NCOR1: variants seen among roughly 807,000 people sequenced by gnomAD.
NCOR1 encodes protein phosphatase 1, regulatory subunit 109.
Under a neutral mutation model 288.1 loss-of-function variants are expected in NCOR1, and 63 were observed. The observed-to-expected ratio is 0.22, with a 90% CI of 0.18 to 0.27. The LOEUF (loss-of-function observed/expected upper bound fraction) is 0.27, where lower values mean the gene tolerates loss of function less well. Among genes scored for constraint, NCOR1 ranks in the 10% least tolerant of loss-of-function variants. The pLI, the probability that NCOR1 is intolerant of heterozygous loss-of-function variation, is 1.00. For synonymous variants in NCOR1, 1,007 were observed against 1,065.9 expected (o/e 0.94, Z 1.08); for missense variants, 2,397 against 3,019.2 (o/e 0.79, Z 4.83).
rs111761031 is a variant in NCOR1, at chr17:16,178,655, C to G, written c.243-6660G>C. ...CTTGTAATTCTTTCCGTGAATCCCA[C>G]TTTTCTAAGTTTTTGACAATAGCTG... On this transcript the variant is annotated intron_variant, in intron 3 of 45. Transcript: ENST00000268712. Among the ~76,000 whole-genome samples the G allele has an allele frequency of 6.4e-3, 979 of 152,162 alleles. 14 individuals are homozygous for G. Among genetic ancestry groups the G allele is most frequent in the African/African-American group, 0.023 (945 of 41,510 alleles).
At chr17:16,204,946 C>T (rs1220747527) in intron 1 of NCOR1, among the ~76,000 whole-genome samples, 14 of 152,200 alleles carry the variant, frequency 9.2e-5, no homozygotes, top group Admixed American at 9.2e-4. Flanking sequence ...TGAGGCCAGG[C>T]GCGTTGGCTC....
At position 16,194,470 on chromosome 17, in the gene NCOR1, G is replaced by T; in HGVS notation, c.100C>A (p.His34Asn). The change falls in exon 2 of 46, where the codon CAC (histidine) becomes AAC (asparagine). Residue 34 changes from histidine to asparagine, a missense_variant. Coordinates refer to ENST00000268712, the MANE Select transcript of NCOR1 (RefSeq NM_006311.4). ...TACTATCTGTTCCTTACCTGCTGGT[G>T]GCGGGTGTTGGGAAATGTATACTGG... ...SVQYTFPNTR[H>N]QQEFAVPDYR... The T allele has an allele frequency of 6.3e-7, 1 of 1,597,272 alleles. No homozygotes were observed. Among genetic ancestry groups the T allele is most frequent in the Non-Finnish European group, 8.6e-7 (1 of 1,167,220 alleles).
chr17:16,208,064 C>T (rs1456681101), intron 1 of NCOR1, among the ~76,000 whole-genome samples: 13 of 99,248 alleles, frequency 1.3e-4, no homozygotes, highest in East Asian at 6.0e-4. Context: ...TTTTTTGAGA[C>T]GGAGTCTCGC....
intron 21 of NCOR1, among the ~76,000 whole-genome samples, chr17:16,094,826 T>TGAGGTGCCGG (rs751622194): frequency 2.7e-3 from 408 of 152,338 alleles, no homozygotes; most frequent in Admixed American, 4.2e-3. Flanking sequence ...CTCGGCATTC[T>TGAGGTGCCGG]GAGGTGCCGG....
intron 14 of NCOR1, among the ~76,000 whole-genome samples, chr17:16,135,189 C>G (rs2076224998): frequency 6.8e-6 from 1 of 148,020 alleles, no homozygotes; most frequent in African/African-American, 2.5e-5. Flanking sequence ...AAAACTGTAG[C>G]TGAAACTTGT....
intron 43 of NCOR1, 112 bp from the exon 44 acceptor site, chr17:16,039,766 G>T (rs2057194122): frequency 3.2e-6 from 3 of 937,062 alleles, no homozygotes; most frequent in Admixed American, 2.2e-5. Context: ...AAGTGACCTA[G>T]AACAATACCA....
At chr17:16,058,127 G>C (rs1310904524) in intron 38 of NCOR1, 63 bp from the exon 39 acceptor site, 2 of 1,539,106 alleles carry the variant, frequency 1.3e-6, no homozygotes, top group East Asian at 4.5e-5. Flanking sequence ...CATTATCAAA[G>C]ATTAAATATA....
At chr17:16,041,391 G>C (rs923940960) in intron 42 of NCOR1, 1 of 137,148 alleles carries the variant, frequency 7.3e-6, no homozygotes, top group African/African-American at 2.7e-5. Flanking sequence ...GTGTCCCAAA[G>C]AATGTGAAAG....
chr17:16,104,508 C>T lies in NCOR1; in HGVS notation c.2183-2751G>A, dbSNP rs115067374. ...GATATAGGCTGAGAGTGGTGGCTCA[C>T]GCCTATAATCCCAGCACTTTGGGAA... is the stretch of plus-strand genomic sequence containing the variant. On this transcript the variant is annotated intron_variant, in intron 19 of 45. Transcript: ENST00000268712. Among the ~76,000 whole-genome samples, 639 of 152,264 alleles carry T rather than the reference C, an allele frequency of 4.2e-3. 7 individuals are homozygous for T. Among genetic ancestry groups the T allele is most frequent in the African/African-American group, 0.015 (613 of 41,558 alleles).
In NCOR1 at chr17:16,194,655, A is replaced by C. The variant is rs2089369908; in HGVS notation, c.-70-16T>G. ...AGGAAACCACCTAAACAGGATGAGA[A>C]AAAAACAGAATTAGTAAGAACTAAA... On this transcript the variant is annotated splice_polypyrimidine_tract_variant and intron_variant, in intron 1 of 45. Transcript: ENST00000268712. 2 of 758,286 alleles carry C rather than the reference A, an allele frequency of 2.6e-6. No individual in the cohort carries two copies. Among genetic ancestry groups the C allele is most frequent in the Non-Finnish European group, 4.3e-6 (2 of 460,288 alleles). The allele number at this position is 758,286 out of a possible 1,614,324, so 47.0% of individuals were successfully genotyped here.
chr17:16,054,197 A>G (rs1411426285), intron 40 of NCOR1, among the ~76,000 whole-genome samples: 1 of 152,098 alleles, frequency 6.6e-6, no homozygotes, highest in East Asian at 1.9e-4. Context: ...CAAAAACAAA[A>G]ATTGACAAGT....
chr17:16,070,368 T>A lies in NCOR1; in HGVS notation c.4310A>T (p.Asp1437Val). Reference sequence around the variant, plus strand: ...ACGCACGGTCTCGCCTGCTTTCACATCCTCATATTTTCCCCGTTCTACCAC... The same window carrying A: ...ACGCACGGTCTCGCCTGCTTTCACAACCTCATATTTTCCCCGTTCTACCAC... ...IKVVERGKYE[D>V]VKAGETVRSR... Residue 1437 changes from aspartate (D) to valine (V), a missense_variant, in exon 31 of 46, where the codon GAT (aspartate) becomes GTT (valine). By Grantham distance (152) the Asp-to-Val change is radical (BLOSUM62 -3). Transcript: ENST00000268712. 6.2e-7 allele frequency: 1 copy of A among 1,614,154 alleles called. No homozygotes were observed. The highest frequency in any genetic ancestry group is 1.3e-5 in the African/African-American group (1 of 75,046).
At chr17:16,159,837 CA>C (rs1205889371) in intron 5 of NCOR1, among the ~76,000 whole-genome samples, 1 of 150,238 alleles carries the variant, frequency 6.7e-6, no homozygotes, top group Non-Finnish European at 1.5e-5. Flanking sequence ...GTCCTTAGGT[CA>C]ATCTTTTTTT....
intron 26 of NCOR1, 147 bp downstream of exon 26, chr17:16,079,817 G>T: frequency 1.7e-6 from 1 of 588,534 alleles, no homozygotes; most frequent in South Asian, 2.5e-5. Context: ...ACGTCTCTGT[G>T]GAGACAGTTT....
chr17:16,075,552 G>T lies in NCOR1; in HGVS notation c.3652C>A (p.His1218Asn). Residue 1218 changes from histidine to asparagine, a missense_variant, in exon 27 of 46, where the codon CAT becomes AAT. Physicochemically the swap from His to Asn is moderately conservative, Grantham distance 68 (BLOSUM62 1). Around this residue, in one of 11 missense-constraint regions of NCOR1, gnomAD observed 1,872 missense variants for 2,187.8 expected, o/e 0.86. Transcript: ENST00000268712. ...TACTTACTATCATATGACAAGATAT[G>T]TCCACTTTTGCCTTCATAAATAACA... ...GHVIYEGKSG[H>N]ILSYDNIKNA... 6.2e-7 allele frequency: 1 copy of T among 1,614,182 alleles called. No individual in the cohort carries two copies.
rs372385089 is a variant in NCOR1, at chr17:16,071,532, G to C, written c.4029C>G (p.Thr1343=). 6 of 1,613,978 alleles carry C rather than the reference G, an allele frequency of 3.7e-6. No individual in the cohort carries two copies. The highest frequency in any genetic ancestry group is 5.1e-6 in the Non-Finnish European group (6 of 1,180,020). Reference sequence around the variant, plus strand: ...GAATGGAACGCCCCATTTCTTTGATGGTGGTGATGCCATCATATGGTTTTC... The same window carrying C: ...GAATGGAACGCCCCATTTCTTTGATCGTGGTGATGCCATCATATGGTTTTC... ...TKGKPYDGIT[T]IKEMGRSIHE... The change falls in exon 30 of 46, where the codon ACC becomes ACG. Residue 1343 remains threonine, a synonymous_variant. Transcript: ENST00000268712.
intron 21 of NCOR1, 90 bp from the exon 22 acceptor site, chr17:16,092,148 G>A: frequency 1.4e-6 from 2 of 1,417,038 alleles, no homozygotes; most frequent in Non-Finnish European, 1.9e-6. Flanking sequence ...TTTCTGTCAT[G>A]TTATTGGTTG....
At chr17:16,081,624 T>C (rs1432650767) in intron 23 of NCOR1, among the ~76,000 whole-genome samples, 1 of 152,168 alleles carries the variant, frequency 6.6e-6, no homozygotes, top group African/African-American at 2.4e-5. Context: ...GACTTCTCTG[T>C]TGGTTCTCTG....
chr17:16,122,360 T>C (rs147997735), intron 15 of NCOR1, among the ~76,000 whole-genome samples: 2 of 152,338 alleles, frequency 1.3e-5, no homozygotes, highest in African/African-American at 4.8e-5. Context: ...AAGTACAACA[T>C]AGTCCTTTCC....
Sources: gnomAD v4.1 joint callset for allele counts (sites outside exome capture counted in the v4.1 genomes callset) on GRCh38, gnomAD v4.1.1 for gene constraint, gnomAD v4.1.1 regional missense constraint, MANE v1.5 for transcripts, NCBI Gene and HGNC (gene_info 2026-07-23, HGNC 2026-07-21) for gene names.